CDC27: variants seen among roughly 807,000 people sequenced by gnomAD.
CDC27 encodes cell division cycle 27.
Under a neutral mutation model 109.7 loss-of-function variants are expected in CDC27, and 27 were observed. The observed-to-expected ratio is 0.25, with a 90% CI of 0.18 to 0.34. The LOEUF is 0.34. Ranked by LOEUF, CDC27 falls within the 10% of genes least tolerant of loss-of-function variation. The pLI, the probability that CDC27 is intolerant of heterozygous loss-of-function variation, is 1.00. For missense variants in CDC27, 579 were observed against 960.2 expected, an observed-to-expected ratio of 0.60 and a Z score of 5.25; for synonymous variants, 266 against 333.9, an observed-to-expected ratio of 0.80 and a Z score of 2.22.
intron 5 of CDC27, 60 bp downstream of exon 5, chr17:47,158,146 T>C: frequency 1.6e-6 from 1 of 620,538 alleles, no homozygotes; most frequent in Non-Finnish European, 2.7e-6. Flanking sequence ...AAAAATTAAG[T>C]AGCAGGAAAA....
Position 47,171,938 on chromosome 17 carries a change from T to C in CDC27, c.230A>G (p.Lys77Arg). ...TTPQCKYLLA[K>R]CCVDLSKLAE... ...TTACTTGCTGAGATCAACACAACAT[T>C]TTGCAAGCAGGTATTTGCATTGCGG... The change falls in exon 3 of 19, where the codon AAA becomes AGA. Residue 77 changes from lysine (K) to arginine (R), a missense_variant. Transcript: ENST00000066544. 6.3e-7 allele frequency: 1 copy of C among 1,592,608 alleles called. No homozygotes were observed. The highest frequency in any genetic ancestry group is 8.5e-7 in the Non-Finnish European group (1 of 1,172,452).
chr17:47,149,675 C>CT, intron 9 of CDC27, among the ~76,000 whole-genome samples: 1 of 151,954 alleles, frequency 6.6e-6, no homozygotes, highest in East Asian at 1.9e-4. Flanking sequence ...AAAATTTCAG[C>CT]TGGGCATGGT....
rs756247874 is a variant in CDC27 at position 47,157,244 on chromosome 17, G to T, written c.616C>A (p.Pro206Thr). 3 of 1,611,228 alleles carry T rather than the reference G, an allele frequency of 1.9e-6. No individual in the cohort carries two copies. The highest frequency in any genetic ancestry group is 2.2e-5 in the South Asian group (2 of 90,478). ...RQPETVLTET[P>T]QDTIELNRLN... The stretch of plus-strand genomic sequence containing the variant: ...AAGACACTTACAATTGTGTCCTGGG[G>T]TGTTTCCGTAAGAACTGTCTCAGGC... Residue 206 changes from proline to threonine, a missense_variant, in exon 6 of 19, where the codon CCC becomes ACC. Coordinates refer to ENST00000066544, the MANE Select transcript of CDC27 (RefSeq NM_001256.6).
chr17:47,186,610 G>C (rs2064446825), intron 1 of CDC27, among the ~76,000 whole-genome samples: 1 of 152,042 alleles, frequency 6.6e-6, no homozygotes, highest in Non-Finnish European at 1.5e-5. Flanking sequence ...AAAAATAAAA[G>C]AACTGACAGA....
chr17:47,184,034 C>A (rs906118295), intron 1 of CDC27, among the ~76,000 whole-genome samples: 1 of 152,116 alleles, frequency 6.6e-6, no homozygotes, highest in Non-Finnish European at 1.5e-5. Context: ...TTCCTAAGAA[C>A]CTACATGTTT....
At chr17:47,128,743 G>A (rs922283011) in intron 16 of CDC27, among the ~76,000 whole-genome samples, 1 of 150,584 alleles carries the variant, frequency 6.6e-6, no homozygotes, top group Non-Finnish European at 1.5e-5. Flanking sequence ...ACACACATTC[G>A]TTTTCTTTTT....
intron 8 of CDC27, 71 bp from the exon 9 acceptor site, chr17:47,151,989 G>A (rs2063167410): frequency 4.3e-6 from 6 of 1,396,128 alleles, no homozygotes; most frequent in South Asian, 3.3e-5. Context: ...ACAACACAAC[G>A]CTCCCATCTA....
chr17:47,123,518 C>A (rs1020313166), intron 17 of CDC27, among the ~76,000 whole-genome samples: 2 of 149,314 alleles, frequency 1.3e-5, no homozygotes, highest in African/African-American at 4.9e-5. Context: ...TCAAGTGATT[C>A]TCGTGCCTCA....
chr17:47,125,928 T>C (rs954582549), intron 16 of CDC27, among the ~76,000 whole-genome samples: 5 of 152,172 alleles, frequency 3.3e-5, no homozygotes, highest in African/African-American at 1.2e-4. Context: ...ATATGTTTTC[T>C]TTCTATGATT....
chr17:47,181,471 A>G (rs2064235714), intron 2 of CDC27, 91 bp downstream of exon 2: 2 of 670,000 alleles, frequency 3.0e-6, no homozygotes, highest in Admixed American at 5.3e-5. Flanking sequence ...CAAGATGATG[A>G]TAGCTAGAAT....
chr17:47,189,151 C>T lies in CDC27; in HGVS notation c.22G>A (p.Val8Ile), dbSNP rs755449502. 1.2e-6 allele frequency: 2 copies of T among 1,613,428 alleles called. No individual in the cohort carries two copies. Among genetic ancestry groups the T allele is most frequent in the Non-Finnish European group, 1.7e-6 (2 of 1,179,366 alleles). ...GAGAAGAAGGTTATCATTACCTGGA[C>T]GGGTTCCTGCAGCACCGTCATCCTC... is the stretch of plus-strand genomic sequence containing the variant. MTVLQEP[V>I]QAAIWQALNH... The change falls in exon 1 of 19, where the codon GTC becomes ATC. Residue 8 changes from valine (V) to isoleucine (I), a missense_variant. Physicochemically the swap from Val to Ile is conservative, Grantham distance 29. Transcript: ENST00000066544.
intron 3 of CDC27, among the ~76,000 whole-genome samples, chr17:47,170,629 T>C (rs1247250165): frequency 2.0e-5 from 3 of 152,192 alleles, no homozygotes; most frequent in Non-Finnish European, 4.4e-5. Flanking sequence ...TCTCTGTATG[T>C]ACAAATCCAG....
intron 17 of CDC27, 45 bp downstream of exon 17, chr17:47,123,841 T>C: frequency 7.5e-7 from 1 of 1,325,624 alleles, no homozygotes; most frequent in Non-Finnish European, 1.0e-6. Context: ...AATGTCATTA[T>C]TTGCTATGAA....
intron 9 of CDC27, among the ~76,000 whole-genome samples, chr17:47,149,674 G>C (rs979935838): frequency 1.3e-5 from 2 of 152,066 alleles, no homozygotes; most frequent in East Asian, 1.9e-4. Context: ...AAAAATTTCA[G>C]CTGGGCATGG....
chr17:47,163,876 T>C (rs1816194525), intron 4 of CDC27, among the ~76,000 whole-genome samples: 1 of 152,204 alleles, frequency 6.6e-6, no homozygotes, highest in Admixed American at 6.5e-5. Flanking sequence ...GTGATTCTCC[T>C]GTTTCAGCCT....
intron 1 of CDC27, among the ~76,000 whole-genome samples, chr17:47,184,828 T>C (rs1343532562): frequency 6.6e-6 from 1 of 152,194 alleles, no homozygotes; most frequent in African/African-American, 2.4e-5. Flanking sequence ...TGAACAGGGC[T>C]AAAATCAGCA....
intron 2 of CDC27, among the ~76,000 whole-genome samples, chr17:47,180,809 A>G (rs2148999252): frequency 6.6e-6 from 1 of 152,124 alleles, no homozygotes; most frequent in East Asian, 1.9e-4. Context: ...TTATAGATGA[A>G]ATATCTGAAT....
At chr17:47,142,130 T>C in intron 11 of CDC27, 99 bp downstream of exon 11, 1 of 1,123,466 alleles carries the variant, frequency 8.9e-7, no homozygotes, top group Admixed American at 2.6e-5. Flanking sequence ...CCAACATCTA[T>C]ATAAAAAACA....
intron 15 of CDC27, 128 bp downstream of exon 15, chr17:47,132,129 G>C: frequency 1.8e-6 from 1 of 560,788 alleles, no homozygotes; most frequent in Non-Finnish European, 3.2e-6. Flanking sequence ...GTATTTTTGG[G>C]TGTAATAGGC....
Sources: gnomAD v4.1 joint callset for allele counts (sites outside exome capture counted in the v4.1 genomes callset) on GRCh38, gnomAD v4.1.1 for gene constraint, MANE v1.5 for transcripts, NCBI Gene and HGNC (gene_info 2026-07-23, HGNC 2026-07-21) for gene names.